The following SPAG16 variants were observed in gnomAD, a reference collection of about 807,000 sequenced individuals.
SPAG16 encodes the protein sperm associated antigen 16.
SPAG16 carries 86 observed loss-of-function variants against 80.4 expected under a neutral mutation model. That is an observed-to-expected ratio of 1.07 (90% CI 0.90 to 1.28). The LOEUF (loss-of-function observed/expected upper bound fraction) is 1.28. Ranked by LOEUF, SPAG16 falls within the 50% of genes most tolerant of loss-of-function variation. The pLI is 0.00. For missense variants in SPAG16, 870 were observed against 765.3 expected, an observed-to-expected ratio of 1.14 and a Z score of -1.61; for synonymous variants, 294 against 265.9, an observed-to-expected ratio of 1.11 and a Z score of -1.03.
chr2:214,002,914 G>A lies in SPAG16; in HGVS notation c.1401-11037G>A, dbSNP rs188582140. ...ACCCAGCAGTAACATTTTACCATCT[G>A]GACATACTTATCCTGGTCAAGTTGA... is the stretch of plus-strand genomic sequence containing the variant. On this transcript the variant is annotated intron_variant, in intron 12 of 15. Coordinates refer to ENST00000331683, the MANE Select transcript of SPAG16 (RefSeq NM_024532.5). 1.6e-4 allele frequency among the ~76,000 whole-genome samples: 25 copies of A among 152,224 alleles called. No homozygotes were observed. The East Asian group carries it at 4.8e-3, about 29-fold the overall frequency.
intron 9 of SPAG16, among the ~76,000 whole-genome samples, chr2:213,467,871 C>T (rs2072789296): frequency 6.6e-6 from 1 of 152,164 alleles, no homozygotes; most frequent in Non-Finnish European, 1.5e-5. Flanking sequence ...CCTGGCTTGC[C>T]ACATTTGTAG....
chr2:214,275,900 G>C (rs576740899), intron 15 of SPAG16, among the ~76,000 whole-genome samples: 6 of 152,108 alleles, frequency 3.9e-5, no homozygotes, highest in African/African-American at 1.2e-4. Context: ...GAGTGTTAAG[G>C]TCTCCCATTA....
intron 10 of SPAG16, among the ~76,000 whole-genome samples, chr2:213,814,566 C>T (rs1208906276): frequency 2.0e-5 from 3 of 152,002 alleles, no homozygotes; most frequent in African/African-American, 4.8e-5. Flanking sequence ...CCAAGGCGGG[C>T]GGATCATGAG....
intron 15 of SPAG16, among the ~76,000 whole-genome samples, chr2:214,335,843 C>A (rs898964077): frequency 6.7e-6 from 1 of 150,042 alleles, no homozygotes; most frequent in Non-Finnish European, 1.5e-5. Context: ...ACTGCAACCT[C>A]TGCCTCCCAG....
At chr2:214,230,940 G>A (rs554156336) in intron 15 of SPAG16, among the ~76,000 whole-genome samples, 1 of 152,110 alleles carries the variant, frequency 6.6e-6, no homozygotes, top group African/African-American at 2.4e-5. Context: ...AGCTGTTGGG[G>A]AAGAGACAGT....
intron 9 of SPAG16, among the ~76,000 whole-genome samples, chr2:213,428,710 A>T (rs2070100414): frequency 6.6e-6 from 1 of 152,214 alleles, no homozygotes; most frequent in African/African-American, 2.4e-5. Flanking sequence ...GACTTTGCAG[A>T]CTAAAGGTAT....
intron 9 of SPAG16, among the ~76,000 whole-genome samples, chr2:213,376,508 CCTT>C (rs1559470847): frequency 1.3e-5 from 2 of 151,874 alleles, no homozygotes; most frequent in African/African-American, 4.8e-5. Flanking sequence ...TAAGGTGAAT[CCTT>C]CTCACCTTCA....
intron 9 of SPAG16, among the ~76,000 whole-genome samples, chr2:213,484,976 AGTTAGT>A (rs1240596043): frequency 2.6e-5 from 4 of 151,212 alleles, no homozygotes. Flanking sequence ...TTAGAGTTAG[AGTTAGT>A]GGAATATTTT....
At chr2:214,033,437 G>T (rs937930124) in intron 13 of SPAG16, among the ~76,000 whole-genome samples, 1 of 152,166 alleles carries the variant, frequency 6.6e-6, no homozygotes, top group African/African-American at 2.4e-5. Flanking sequence ...TGGCTTTCTT[G>T]CTGAGAAGAG....
intron 15 of SPAG16, among the ~76,000 whole-genome samples, chr2:214,282,290 A>G (rs1309564714): frequency 6.6e-6 from 1 of 152,128 alleles, no homozygotes; most frequent in East Asian, 1.9e-4. Flanking sequence ...AAAATTACTT[A>G]AAAAAGTGTT....
chr2:213,821,995 A>C (rs1260727983), intron 10 of SPAG16, among the ~76,000 whole-genome samples: 1 of 152,200 alleles, frequency 6.6e-6, no homozygotes, highest in Non-Finnish European at 1.5e-5. Context: ...TATTGTGAAC[A>C]GTGCTGCACA....
chr2:214,140,850 G>A (rs1217704984), intron 14 of SPAG16, among the ~76,000 whole-genome samples: 1 of 140,720 alleles, frequency 7.1e-6, no homozygotes, highest in East Asian at 2.2e-4. Flanking sequence ...TGTTTCTCTT[G>A]TAAATTGCAC....
chr2:213,832,088 C>T (rs533312874), intron 10 of SPAG16, among the ~76,000 whole-genome samples: 17 of 152,154 alleles, frequency 1.1e-4, no homozygotes, highest in African/African-American at 3.9e-4. Context: ...CCTCCTTCCC[C>T]CCGGGTTCAA....
At chr2:214,157,776 A>G (rs906736826) in intron 15 of SPAG16, among the ~76,000 whole-genome samples, 4 of 152,158 alleles carry the variant, frequency 2.6e-5, no homozygotes, top group African/African-American at 9.6e-5. Context: ...TCTACAAAAT[A>G]TAATTTATTC....
chr2:214,149,401 C>A, intron 15 of SPAG16, 135 bp downstream of exon 15: 1 of 743,972 alleles, frequency 1.3e-6, no homozygotes, highest in Non-Finnish European at 1.9e-6. Flanking sequence ...TATTACATTA[C>A]ATTAAGATAT....
At chr2:214,183,943 T>G (rs1366975147) in intron 15 of SPAG16, among the ~76,000 whole-genome samples, 3 of 152,082 alleles carry the variant, frequency 2.0e-5, no homozygotes, top group African/African-American at 7.2e-5. Flanking sequence ...GGTTTTGACA[T>G]AAATCTTGAC....
intron 10 of SPAG16, among the ~76,000 whole-genome samples, chr2:213,802,071 C>T (rs1452861636): frequency 6.6e-6 from 1 of 152,158 alleles, no homozygotes; most frequent in Non-Finnish European, 1.5e-5. Flanking sequence ...GAAAAGCCCA[C>T]TTTTTTGTTT....
intron 10 of SPAG16, among the ~76,000 whole-genome samples, chr2:213,683,607 T>C (rs1386468074): frequency 6.6e-6 from 1 of 152,188 alleles, no homozygotes; most frequent in African/African-American, 2.4e-5. Flanking sequence ...TGAAATTATG[T>C]TCTATGTATT....
chr2:213,896,592 G>GCGCACACACACACA (rs57025359), intron 11 of SPAG16, among the ~76,000 whole-genome samples: 3 of 111,928 alleles, frequency 2.7e-5, no homozygotes, highest in Non-Finnish European at 3.8e-5. Flanking sequence ...ACACACACAC[G>GCGCACACACACACA]CACACACACA....
Sources: gnomAD v4.1 joint callset for allele counts (sites outside exome capture counted in the v4.1 genomes callset) on GRCh38, gnomAD v4.1.1 for gene constraint, MANE v1.5 for transcripts, NCBI Gene and HGNC (gene_info 2026-07-23, HGNC 2026-07-21) for gene names.